SGCZ: variants seen among roughly 807,000 people sequenced by gnomAD.
SGCZ encodes sarcoglycan zeta, also known as zeta-sarcoglycan.
SGCZ carries 40 observed loss-of-function variants against 41.3 expected under a neutral mutation model. That is an observed-to-expected ratio of 0.97 (90% CI 0.75 to 1.26). The LOEUF is 1.26. Ranked by LOEUF, SGCZ falls within the 50% of genes most tolerant of loss-of-function variation. The probability of loss-of-function intolerance (pLI) is 0.00; values close to 1 mark genes in which losing one functional copy is unlikely to be tolerated. For missense variants in SGCZ, 552 were observed against 369.8 expected (o/e 1.49, Z -4.04); for synonymous variants, 206 against 137.5 (o/e 1.50, Z -3.49).
rs147394521 is a variant in SGCZ at position 15,000,184 on chromosome 8, G to A, written c.39+237401C>T. ...AGGGCAGCCGTCTCCAAGTCAAGGA[G>A]AGAGTCCTGTAGGAAACCAACCCTG... On this transcript the variant is annotated intron_variant, in intron 1 of 7. Coordinates refer to ENST00000382080, the MANE Select transcript of SGCZ (RefSeq NM_139167.4). 2.4e-4 allele frequency among the ~76,000 whole-genome samples: 36 copies of A among 152,276 alleles called. No homozygotes were observed. In the East Asian group the frequency reaches 6.0e-3, roughly 25 times the overall value.
intron 2 of SGCZ, among the ~76,000 whole-genome samples, chr8:14,330,475 T>C (rs949236893): frequency 1.3e-5 from 2 of 152,092 alleles, no homozygotes; most frequent in African/African-American, 4.8e-5. Context: ...TGTTAAGAAA[T>C]ACTTATTGGA....
intron 1 of SGCZ, among the ~76,000 whole-genome samples, chr8:15,000,542 G>A (rs9693111): frequency 6.6e-6 from 1 of 151,956 alleles, no homozygotes; most frequent in South Asian, 2.1e-4. Context: ...AGCTTGCATG[G>A]GTGAGTGCCC....
intron 5 of SGCZ, among the ~76,000 whole-genome samples, chr8:14,147,856 C>T (rs1208523332): frequency 6.6e-6 from 1 of 152,046 alleles, no homozygotes; most frequent in African/African-American, 2.4e-5. Context: ...TAATGTCAAG[C>T]ATATTCCCAT....
intron 2 of SGCZ, among the ~76,000 whole-genome samples, chr8:14,544,232 T>C (rs1803556128): frequency 6.6e-6 from 1 of 152,164 alleles, no homozygotes; most frequent in Non-Finnish European, 1.5e-5. Flanking sequence ...TTTACTTTAA[T>C]CTGTTAATCT....
intron 1 of SGCZ, among the ~76,000 whole-genome samples, chr8:14,932,759 C>T (rs1563372713): frequency 6.6e-6 from 1 of 151,956 alleles, no homozygotes; most frequent in Non-Finnish European, 1.5e-5. Context: ...ACTTTCCACT[C>T]CAAAACAACT....
intron 2 of SGCZ, among the ~76,000 whole-genome samples, chr8:14,390,935 C>A (rs148385085): frequency 6.6e-6 from 1 of 152,006 alleles, no homozygotes; most frequent in Admixed American, 6.6e-5. Flanking sequence ...AAAGTTTACA[C>A]GTTCATTTAA....
At chr8:14,710,039 A>G (rs17120128) in intron 1 of SGCZ, among the ~76,000 whole-genome samples, 6,466 of 152,200 alleles carry the variant, frequency 0.042, 459 homozygotes, top group African/African-American at 0.15. Context: ...CACAAGTCAG[A>G]GAGCAATTCT....
chr8:14,684,363 G>A (rs1316580371), intron 1 of SGCZ, among the ~76,000 whole-genome samples: 12 of 152,100 alleles, frequency 7.9e-5, no homozygotes, highest in Non-Finnish European at 1.5e-4. Flanking sequence ...TCATGGCAAC[G>A]TATTTATGTA....
chr8:14,803,719 A>T (rs999268563), intron 1 of SGCZ, among the ~76,000 whole-genome samples: 7 of 151,626 alleles, frequency 4.6e-5, no homozygotes, highest in Non-Finnish European at 7.4e-5. Context: ...AACTGGGTGG[A>T]GCCCACCACA....
chr8:14,472,602 C>G (rs557701257), intron 2 of SGCZ, among the ~76,000 whole-genome samples: 27 of 152,034 alleles, frequency 1.8e-4, no homozygotes, highest in African/African-American at 6.0e-4. Flanking sequence ...GATGTTTAAG[C>G]GTGCAGTGGT....
chr8:14,670,381 T>A (rs908421963), intron 1 of SGCZ, among the ~76,000 whole-genome samples: 3 of 152,180 alleles, frequency 2.0e-5, no homozygotes, highest in Admixed American at 2.0e-4. Context: ...CTCTTCTGAA[T>A]TGCATATTAT....
At chr8:15,058,100 A>G (rs547230134) in intron 1 of SGCZ, among the ~76,000 whole-genome samples, 1 of 152,362 alleles carries the variant, frequency 6.6e-6, no homozygotes, top group South Asian at 2.1e-4. Flanking sequence ...GAGGGTGGTC[A>G]AGTAGATGGA....
At chr8:14,654,287 C>T (rs1413460971) in intron 1 of SGCZ, among the ~76,000 whole-genome samples, 2 of 151,964 alleles carry the variant, frequency 1.3e-5, no homozygotes, top group Non-Finnish European at 2.9e-5. Flanking sequence ...CAGCCCACCT[C>T]GGGAGGAATC....
chr8:14,495,418 ACACTAAGCCC>A (rs1801961006), intron 2 of SGCZ, among the ~76,000 whole-genome samples: 1 of 152,216 alleles, frequency 6.6e-6, no homozygotes, highest in Non-Finnish European at 1.5e-5. Context: ...TACGGACCAA[ACACTAAGCCC>A]CACTGAAAAA....
intron 4 of SGCZ, chr8:14,164,963 C>T (rs1248262314): frequency 8.3e-6 from 3 of 359,756 alleles, no homozygotes; most frequent in Non-Finnish European, 1.6e-5. Flanking sequence ...GTTAAGAGCC[C>T]TTCACATATC....
intron 1 of SGCZ, among the ~76,000 whole-genome samples, chr8:14,679,470 A>C (rs1585176784): frequency 6.6e-6 from 1 of 151,648 alleles, no homozygotes; most frequent in East Asian, 1.9e-4. Context: ...TTCGTGTATT[A>C]GTTTTTATCA....
intron 2 of SGCZ, among the ~76,000 whole-genome samples, chr8:14,551,470 AT>A (rs1803815103): frequency 1.5e-4 from 1 of 6,746 alleles, no homozygotes; most frequent in Non-Finnish European, 3.0e-4. Context: ...TATATTATAT[AT>A]ATTATATATT....
chr8:14,109,897 A>C (rs1487756925), intron 5 of SGCZ, among the ~76,000 whole-genome samples: 1 of 152,180 alleles, frequency 6.6e-6, no homozygotes, highest in African/African-American at 2.4e-5. Flanking sequence ...TCTGTTTATA[A>C]GCTAAAAGCT....
intron 1 of SGCZ, among the ~76,000 whole-genome samples, chr8:14,586,425 G>A (rs993139627): frequency 2.0e-5 from 3 of 152,100 alleles, no homozygotes; most frequent in Admixed American, 6.6e-5. Context: ...TGTTGGCCAG[G>A]CTGGTCTTGA....
Sources: allele counts gnomAD v4.1 joint callset (sites outside exome capture counted in the v4.1 genomes callset), GRCh38; gene constraint gnomAD v4.1.1; transcripts MANE v1.5; gene names NCBI Gene and HGNC (gene_info 2026-07-23, HGNC 2026-07-21).